PLEKHM3: variants seen among roughly 807,000 people sequenced by gnomAD.
PLEKHM3 encodes pleckstrin homology domain-containing family M member 3.
In PLEKHM3, 45 loss-of-function variants were observed where a neutral mutation model predicts 81.8. The ratio of observed to expected loss-of-function variants is 0.55; its 90% CI spans 0.43 to 0.71. PLEKHM3 has a LOEUF of 0.71. Ranked by LOEUF, PLEKHM3 falls within the 30% of genes least tolerant of loss-of-function variation. The pLI is 0.00. For missense variants in PLEKHM3, 788 were observed against 924.3 expected, an observed-to-expected ratio of 0.85 and a Z score of 1.91; for synonymous variants, 352 against 356.4, an observed-to-expected ratio of 0.99 and a Z score of 0.14.
intron 1 of PLEKHM3, among the ~76,000 whole-genome samples, chr2:208,002,171 G>C (rs1692331263): frequency 6.6e-6 from 1 of 152,234 alleles, no homozygotes; most frequent in African/African-American, 2.4e-5. Context: ...CACTTGATAA[G>C]AGGAATTAAA....
intron 5 of PLEKHM3, among the ~76,000 whole-genome samples, chr2:207,919,050 A>C (rs996761787): frequency 2.0e-5 from 3 of 152,214 alleles, no homozygotes; most frequent in Non-Finnish European, 4.4e-5. Context: ...TTTAAAACAC[A>C]GTGGTAAAGG....
intron 5 of PLEKHM3, among the ~76,000 whole-genome samples, chr2:207,922,647 C>T (rs1302181439): frequency 1.3e-5 from 2 of 151,962 alleles, no homozygotes; most frequent in African/African-American, 4.8e-5. Context: ...CCTGTCTCTA[C>T]TAAAAATACA....
At chr2:208,017,593 C>T (rs2106124862) in intron 1 of PLEKHM3, among the ~76,000 whole-genome samples, 1 of 152,262 alleles carries the variant, frequency 6.6e-6, no homozygotes, top group African/African-American at 2.4e-5. Flanking sequence ...CTTTGCCACC[C>T]AAGTTCCCCC....
At chr2:207,922,255 T>C (rs942170835) in intron 5 of PLEKHM3, among the ~76,000 whole-genome samples, 2 of 152,214 alleles carry the variant, frequency 1.3e-5, no homozygotes, top group Admixed American at 1.3e-4. Context: ...CTCTTCTTTC[T>C]AAATACCATC....
intron 6 of PLEKHM3, among the ~76,000 whole-genome samples, chr2:207,882,623 A>G (rs1184242531): frequency 1.3e-5 from 2 of 150,486 alleles, no homozygotes; most frequent in East Asian, 3.9e-4. Context: ...AAAAAAAAAA[A>G]AAAAAAAAGG....
chr2:207,868,194 T>A (rs1397603714), intron 6 of PLEKHM3, among the ~76,000 whole-genome samples: 1 of 152,194 alleles, frequency 6.6e-6, no homozygotes, highest in Non-Finnish European at 1.5e-5. Context: ...GGGAATCTAC[T>A]ATCACTGAGA....
At chr2:207,983,011 C>G (rs2106048134) in intron 2 of PLEKHM3, among the ~76,000 whole-genome samples, 1 of 151,072 alleles carries the variant, frequency 6.6e-6, no homozygotes, top group South Asian at 2.1e-4. Context: ...CAACAGTAGG[C>G]TATTAATAAA....
At chr2:207,892,845 T>A (rs1014275491) in intron 6 of PLEKHM3, among the ~76,000 whole-genome samples, 9 of 152,116 alleles carry the variant, frequency 5.9e-5, no homozygotes, top group African/African-American at 2.2e-4. Flanking sequence ...TCCTTCCTTA[T>A]CCCAAGGAGA....
At chr2:207,881,496 G>A (rs1320230203) in intron 6 of PLEKHM3, among the ~76,000 whole-genome samples, 1 of 152,202 alleles carries the variant, frequency 6.6e-6, no homozygotes, top group African/African-American at 2.4e-5. Flanking sequence ...GAGGAGCTGG[G>A]ACTCAAACTC....
chr2:207,890,111 T>C (rs1244841145), intron 6 of PLEKHM3, among the ~76,000 whole-genome samples: 2 of 152,174 alleles, frequency 1.3e-5, no homozygotes, highest in Non-Finnish European at 2.9e-5. Context: ...TGCCTATTCG[T>C]TCATTTTTTA....
intron 4 of PLEKHM3, among the ~76,000 whole-genome samples, chr2:207,932,966 A>G (rs1191564592): frequency 6.6e-6 from 1 of 152,244 alleles, no homozygotes; most frequent in Non-Finnish European, 1.5e-5. Context: ...CAAAGCTTAT[A>G]CCAAAGTTTA....
At chr2:207,969,098 A>C (rs1160584434) in intron 3 of PLEKHM3, among the ~76,000 whole-genome samples, 1 of 152,228 alleles carries the variant, frequency 6.6e-6, no homozygotes, top group Admixed American at 6.5e-5. Flanking sequence ...GTTCCTTAGA[A>C]GATCTGGCTC....
intron 1 of PLEKHM3, among the ~76,000 whole-genome samples, chr2:208,021,262 T>C (rs965562866): frequency 6.6e-6 from 1 of 152,198 alleles, no homozygotes; most frequent in Non-Finnish European, 1.5e-5. Context: ...TTTCCACTAG[T>C]ATAATTAACC....
intron 5 of PLEKHM3, among the ~76,000 whole-genome samples, chr2:207,928,368 G>A (rs1689476756): frequency 6.6e-6 from 1 of 152,182 alleles, no homozygotes; most frequent in South Asian, 2.1e-4. Context: ...CATAGCAGCA[G>A]GAAAAGAGGA....
intron 5 of PLEKHM3, among the ~76,000 whole-genome samples, chr2:207,928,630 G>A (rs2105935954): frequency 6.6e-6 from 1 of 152,358 alleles, no homozygotes; most frequent in South Asian, 2.1e-4. Flanking sequence ...GTATTTGAGA[G>A]TAGAACAATA....
chr2:207,878,046 T>C (rs1001917445), intron 6 of PLEKHM3, among the ~76,000 whole-genome samples: 3 of 152,102 alleles, frequency 2.0e-5, no homozygotes, highest in Non-Finnish European at 4.4e-5. Context: ...TCAAACGATC[T>C]TCCCACCTCA....
At chr2:207,848,137 C>T (rs990437627) in intron 7 of PLEKHM3, among the ~76,000 whole-genome samples, 6 of 152,138 alleles carry the variant, frequency 3.9e-5, no homozygotes, top group Non-Finnish European at 5.9e-5. Flanking sequence ...AAACAAAGGC[C>T]GAGCAAATAG....
At chr2:207,992,980 T>C (rs1172353752) in intron 2 of PLEKHM3, among the ~76,000 whole-genome samples, 1 of 152,142 alleles carries the variant, frequency 6.6e-6, no homozygotes, top group Admixed American at 6.5e-5. Context: ...CTTTATAAAG[T>C]TTACACTTGA....
intron 4 of PLEKHM3, among the ~76,000 whole-genome samples, chr2:207,931,878 C>T (rs568603433): frequency 8.5e-5 from 13 of 152,236 alleles, no homozygotes; most frequent in East Asian, 5.8e-4. Flanking sequence ...GAGGTTAAGG[C>T]GGGAGAATTG....
Sources: allele counts gnomAD v4.1 joint callset (sites outside exome capture counted in the v4.1 genomes callset), GRCh38; gene constraint gnomAD v4.1.1; transcripts MANE v1.5; gene names NCBI Gene and HGNC (gene_info 2026-07-23, HGNC 2026-07-21).